Variants in TLK1 observed in about 807,000 individuals in gnomAD.
The protein encoded by TLK1 is serine/threonine-protein kinase tousled-like 1.
In TLK1, 24 loss-of-function variants were observed where a neutral mutation model predicts 105.3. The ratio of observed to expected loss-of-function variants is 0.23; its 90% CI spans 0.17 to 0.32. The LOEUF (loss-of-function observed/expected upper bound fraction) is 0.32. TLK1 is among the 10% of genes least tolerant of loss of function. The pLI is 1.00. For missense variants in TLK1, 558 were observed against 910.5 expected, an observed-to-expected ratio of 0.61 and a Z score of 4.98; for synonymous variants, 321 against 310.4, an observed-to-expected ratio of 1.03 and a Z score of -0.36.
chr2:171,109,814 C>T (rs577936367), intron 2 of TLK1, among the ~76,000 whole-genome samples: 3 of 152,292 alleles, frequency 2.0e-5, no homozygotes, highest in Non-Finnish European at 4.4e-5. Flanking sequence ...GAATTAACTA[C>T]TAAAACAGCA....
At chr2:171,111,475 C>T (rs1690161815) in intron 2 of TLK1, among the ~76,000 whole-genome samples, 1 of 151,488 alleles carries the variant, frequency 6.6e-6, no homozygotes, top group Non-Finnish European at 1.5e-5. Context: ...GTCCCAGCTA[C>T]TTGGGAGGCT....
At chr2:171,015,733 C>A (rs2723249) in intron 12 of TLK1, among the ~76,000 whole-genome samples, 572 of 8,026 alleles carry the variant, frequency 0.071, 5 homozygotes, top group African/African-American at 0.086. Flanking sequence ...ACACACACAC[C>A]CACCCCTTTT....
At chr2:171,198,598 CTAGA>C (rs1693321461) in intron 1 of TLK1, among the ~76,000 whole-genome samples, 1 of 152,120 alleles carries the variant, frequency 6.6e-6, no homozygotes, top group Admixed American at 6.6e-5. Context: ...GCAGCTGGGA[CTAGA>C]TAGAGTTGGT....
intron 1 of TLK1, among the ~76,000 whole-genome samples, chr2:171,149,090 ATTAC>A (rs1410889145): frequency 7.9e-6 from 1 of 127,228 alleles, no homozygotes; most frequent in African/African-American, 2.9e-5. Flanking sequence ...CATCCTTTGA[ATTAC>A]TTTTCTTTTT....
chr2:171,137,575 G>A (rs1403525384), intron 1 of TLK1, among the ~76,000 whole-genome samples: 1 of 152,028 alleles, frequency 6.6e-6, no homozygotes, highest in African/African-American at 2.4e-5. Flanking sequence ...TCAGCCAGGC[G>A]CAGTGGCTCA....
intron 8 of TLK1, among the ~76,000 whole-genome samples, chr2:171,051,259 A>C (rs1334866124): frequency 1.3e-5 from 2 of 152,150 alleles, no homozygotes; most frequent in African/African-American, 4.8e-5. Flanking sequence ...GACTTAACAT[A>C]AAGCTACATA....
chr2:171,193,194 C>CAT (rs1422172008), intron 1 of TLK1, among the ~76,000 whole-genome samples: 2 of 152,040 alleles, frequency 1.3e-5, no homozygotes, highest in East Asian at 3.9e-4. Flanking sequence ...CATATGCTGA[C>CAT]ATAAATCAAA....
chr2:171,082,530 G>T (rs1393070426), intron 3 of TLK1, among the ~76,000 whole-genome samples: 1 of 152,078 alleles, frequency 6.6e-6, no homozygotes, highest in Non-Finnish European at 1.5e-5. Flanking sequence ...ACTGTCTCCA[G>T]TAAGAATATA....
At chr2:171,086,519 G>A (rs566361609) in intron 2 of TLK1, among the ~76,000 whole-genome samples, 3 of 151,972 alleles carry the variant, frequency 2.0e-5, no homozygotes, top group African/African-American at 4.8e-5. Flanking sequence ...CCAGCTACTA[G>A]AGAGTCTGAG....
intron 1 of TLK1, among the ~76,000 whole-genome samples, chr2:171,212,731 AG>A (rs1693640683): frequency 6.6e-6 from 1 of 152,192 alleles, no homozygotes; most frequent in Non-Finnish European, 1.5e-5. Context: ...ATGCCTACTT[AG>A]TGATGAGAGC....
chr2:171,068,667 G>A (rs760635418), intron 3 of TLK1, among the ~76,000 whole-genome samples: 1 of 152,090 alleles, frequency 6.6e-6, no homozygotes, highest in East Asian at 1.9e-4. Context: ...TGTATCATCA[G>A]GATTAGGAAC....
intron 1 of TLK1, among the ~76,000 whole-genome samples, chr2:171,178,275 C>T (rs728455): frequency 0.46 from 69,758 of 152,030 alleles, 17,614 homozygotes; most frequent in African/African-American, 0.68. Flanking sequence ...ACGCAGATAT[C>T]AAGGGAAGAA....
rs71008739 is a variant in TLK1, at chr2:170,993,668, T to TAAAAAAAAAA, written c.*102_*111dup. On this transcript the variant is annotated 3_prime_UTR_variant, in exon 21 of 21. Transcript: ENST00000431350. ...AAACAGTTCTTAACCACGTCTTGTG[T>TAAAAAAAAAA]AAAAAAAAAAAAAAAAAAAAAAGAA... The TAAAAAAAAAA allele has an allele frequency of 5.8e-5, 25 of 433,784 alleles. No individual in the cohort carries two copies. Among genetic ancestry groups the TAAAAAAAAAA allele is most frequent in the South Asian group, 2.9e-4 (4 of 13,934 alleles). The allele number at this position is 433,784 out of a possible 1,614,324, so 26.9% of individuals were successfully genotyped here. A position where few individuals can be genotyped will look rare whatever the true frequency, so the allele number is the denominator to read the frequency against.
chr2:171,141,881 T>C (rs1691589746), intron 1 of TLK1, among the ~76,000 whole-genome samples: 1 of 151,772 alleles, frequency 6.6e-6, no homozygotes, highest in African/African-American at 2.4e-5. Context: ...GCACTAAAGA[T>C]TGAAGAAAAA....
At chr2:171,125,417 C>T (rs932754251) in intron 1 of TLK1, among the ~76,000 whole-genome samples, 1 of 152,146 alleles carries the variant, frequency 6.6e-6, no homozygotes, top group Admixed American at 6.6e-5. Context: ...CTTAAAAGCA[C>T]GTCTATATTT....
chr2:171,204,306 T>C (rs1297801886), intron 1 of TLK1, among the ~76,000 whole-genome samples: 1 of 152,214 alleles, frequency 6.6e-6, no homozygotes, highest in Non-Finnish European at 1.5e-5. Context: ...GCTACACTGA[T>C]ACTAAAATGG....
chr2:171,112,774 AAAATCAACTAG>A (rs1227389786), intron 2 of TLK1, among the ~76,000 whole-genome samples: 1 of 152,210 alleles, frequency 6.6e-6, no homozygotes, highest in African/African-American at 2.4e-5. Flanking sequence ...TAAGCCAGCA[AAAATCAACTAG>A]AAAATATAAT....
At chr2:171,012,602 C>T (rs1196279778) in intron 13 of TLK1, among the ~76,000 whole-genome samples, 1 of 152,052 alleles carries the variant, frequency 6.6e-6, no homozygotes, top group Non-Finnish European at 1.5e-5. Flanking sequence ...CCTCAGTCTC[C>T]CAATTAGCTA....
At chr2:171,062,643 C>T (rs1339419003) in intron 3 of TLK1, among the ~76,000 whole-genome samples, 1 of 152,162 alleles carries the variant, frequency 6.6e-6, no homozygotes, top group African/African-American at 2.4e-5. Context: ...AAGTAACCTA[C>T]TCAAGGTAAC....
Sources: gnomAD v4.1 joint callset for allele counts (sites outside exome capture counted in the v4.1 genomes callset) on GRCh38, gnomAD v4.1.1 for gene constraint, MANE v1.5 for transcripts, NCBI Gene and HGNC (gene_info 2026-07-23, HGNC 2026-07-21) for gene names.